Variants in CERS5 observed in about 807,000 individuals in gnomAD.
CERS5 encodes the protein LAG1 homolog, ceramide synthase 5.
A neutral mutation model predicts 58.9 loss-of-function variants in CERS5; 37 were observed. That is an observed-to-expected ratio of 0.63 (90% CI 0.48 to 0.83). The LOEUF (loss-of-function observed/expected upper bound fraction) is 0.83, where lower values mean the gene tolerates loss of function less well. CERS5 is among the 40% of genes least tolerant of loss of function. The probability of loss-of-function intolerance (pLI) is 0.00; values close to 1 mark genes in which losing one functional copy is unlikely to be tolerated. For synonymous variants in CERS5, 147 were observed against 177.8 expected, an observed-to-expected ratio of 0.83 and a Z score of 1.38; for missense variants, 398 against 489.3, an observed-to-expected ratio of 0.81 and a Z score of 1.76.
At chr12:50,143,603 C>A (rs973665666) in intron 2 of CERS5, 8 of 255,636 alleles carry the variant, frequency 3.1e-5, no homozygotes, top group African/African-American at 6.7e-5. Context: ...AAAACCCAAA[C>A]TGCAAAGGCT....
intron 1 of CERS5, chr12:50,165,961 T>A (rs1468946356): frequency 2.2e-6 from 1 of 454,456 alleles, no homozygotes; most frequent in Non-Finnish European, 4.4e-6. Context: ...AAACATATGA[T>A]CCATTCACTT....
At chr12:50,148,512 T>A in intron 1 of CERS5, 1 of 323,724 alleles carries the variant, frequency 3.1e-6, no homozygotes, top group South Asian at 2.2e-5. Flanking sequence ...TGAGAGGATC[T>A]CTTGAACTCG....
At chr12:50,134,415 T>C in intron 9 of CERS5, 131 bp downstream of exon 9, 1 of 1,602,078 alleles carries the variant, frequency 6.2e-7, no homozygotes. Flanking sequence ...AGGCGAAGAC[T>C]TTGGAGCCCT....
In CERS5 at chr12:50,130,670, C is replaced by G; in HGVS notation, c.1054G>C (p.Val352Leu). Residue 352 changes from valine (V) to leucine (L), a missense_variant, in exon 10 of 10, where the codon GTG becomes CTG. Around this residue, in one of 3 missense-constraint regions of CERS5, gnomAD observed 23 missense variants for 54.6 expected, o/e 0.42. Transcript: ENST00000317551. Reference protein sequence around the residue: ...GKVSKDDRSDVESSSEEEDVT... With the variant: ...GKVSKDDRSDLESSSEEEDVT... ...TCTTCTTCCTCTGAGCTGCTCTCCACATCACTGCGATCATCCTTCGATACC... is the reference window on the plus strand; with the variant it reads ...TCTTCTTCCTCTGAGCTGCTCTCCAGATCACTGCGATCATCCTTCGATACC... 1 of 1,603,258 alleles carries G rather than the reference C, an allele frequency of 6.2e-7. No individual in the cohort carries two copies. The highest frequency in any genetic ancestry group is 8.5e-7 in the Non-Finnish European group (1 of 1,171,404).
chr12:50,135,789 A>T lies in CERS5; in HGVS notation c.815T>A (p.Leu272His). Residue 272 changes from leucine to histidine, a missense_variant, in exon 8 of 10, where the codon CTT becomes CAT. Coordinates refer to ENST00000317551, the MANE Select transcript of CERS5 (RefSeq NM_147190.5). ...YAKYQRLCDT[L>H]FVIFSAVFMV... Reference sequence around the variant, plus strand: ...AAAAACAGCACTGAAGATCACAAAAAGGGTGTCACAGAGCCGCTGATACTT... The same window carrying T: ...AAAAACAGCACTGAAGATCACAAAATGGGTGTCACAGAGCCGCTGATACTT... 6.2e-7 allele frequency: 1 copy of T among 1,614,136 alleles called. No homozygotes were observed. Among genetic ancestry groups the T allele is most frequent in the Non-Finnish European group, 8.5e-7 (1 of 1,180,008 alleles).
chr12:50,166,323 CAAAA>C (rs59606341), intron 1 of CERS5: 36,977 of 127,064 alleles, frequency 0.29, 5,363 homozygotes, highest in Middle Eastern at 0.42. Context: ...AACTCTGTCT[CAAAA>C]AAAAAAAAAA....
In CERS5 at chr12:50,167,081, G is replaced by A. The variant is rs749308979; in HGVS notation, c.197+20C>T. 5 of 1,500,814 alleles carry A rather than the reference G, an allele frequency of 3.3e-6. No homozygotes were observed. The highest frequency in any genetic ancestry group is 2.6e-5 in the East Asian group (1 of 38,098). The allele number at this position is 1,500,814 out of a possible 1,614,324, so 93.0% of individuals were successfully genotyped here. A position where few individuals can be genotyped will look rare whatever the true frequency, so the allele number is the denominator to read the frequency against. ...CCGGCCCGCGCCCGGCCCCCGAGCC[G>A]CTCGCTCCCGGGCTCTCACCGCTCG... is the stretch of plus-strand genomic sequence containing the variant. On this transcript the variant is annotated intron_variant, in intron 1 of 9. Transcript: ENST00000317551.
chr12:50,160,493 AAG>A (rs1939165749), intron 1 of CERS5, among the ~76,000 whole-genome samples: 1 of 152,038 alleles, frequency 6.6e-6, no homozygotes, highest in African/African-American at 2.4e-5. Flanking sequence ...TTGAAGTAAT[AAG>A]AGAGAAGAGG....
chr12:50,129,760 T>C lies in CERS5; in HGVS notation c.*785A>G, dbSNP rs1013446783. 2 of 152,194 alleles carry C rather than the reference T, an allele frequency of 1.3e-5. No homozygotes were observed. The highest frequency in any genetic ancestry group is 4.8e-5 in the African/African-American group (2 of 41,418). 9.4% of individuals were successfully genotyped at this position (152,194 alleles called of 1,614,324 possible). ...TAATTAGCTTATGGATTCAGGAAAC[T>C]GCGGATAGAGTCACTGAAGAGGTTG... On this transcript the variant is annotated 3_prime_UTR_variant, in exon 10 of 10. Coordinates refer to ENST00000317551, the MANE Select transcript of CERS5 (RefSeq NM_147190.5).
At chr12:50,154,292 G>C in intron 1 of CERS5, 1 of 327,040 alleles carries the variant, frequency 3.1e-6, no homozygotes, top group Non-Finnish European at 6.3e-6. Context: ...GTCGAAGGTT[G>C]CAGTGAGATC....
chr12:50,141,664 C>T (rs1951975085), intron 4 of CERS5, among the ~76,000 whole-genome samples: 1 of 151,936 alleles, frequency 6.6e-6, no homozygotes, highest in African/African-American at 2.4e-5. Context: ...TTAGGCCAGG[C>T]TCAGTGGCTC....
chr12:50,163,345 C>G (rs575388095), intron 1 of CERS5, among the ~76,000 whole-genome samples: 1 of 151,604 alleles, frequency 6.6e-6, no homozygotes, highest in African/African-American at 2.4e-5. Context: ...ATTACAGGCG[C>G]CCGCCACTAC....
In CERS5 at chr12:50,134,696, C is replaced by T; in HGVS notation, c.879G>A (p.Leu293=). 1.2e-6 allele frequency: 2 copies of T among 1,612,992 alleles called. No individual in the cohort carries two copies. The highest frequency in any genetic ancestry group is 1.7e-6 in the Non-Finnish European group (2 of 1,179,444). ...CCCAACTCTCAAAGAGGGTCGTGTT[C>T]AGAATCCTAGAAGAGGGAGGCCAAT... The part of the protein sequence containing the change: ...TRLGIYPFWI[L]NTTLFESWEI... Residue 293 remains leucine (L), a synonymous_variant, in exon 9 of 10, where the codon CTG becomes CTA. Coordinates refer to ENST00000317551, the MANE Select transcript of CERS5 (RefSeq NM_147190.5).
intron 1 of CERS5, among the ~76,000 whole-genome samples, chr12:50,152,517 G>A (rs1484565467): frequency 6.6e-6 from 1 of 152,282 alleles, no homozygotes; most frequent in East Asian, 1.9e-4. Flanking sequence ...TGAGGCAAGC[G>A]GATCACTTGA....
chr12:50,160,706 C>T (rs1165790419), intron 1 of CERS5, among the ~76,000 whole-genome samples: 1 of 152,190 alleles, frequency 6.6e-6, no homozygotes, highest in Non-Finnish European at 1.5e-5. Context: ...GGACAAAATA[C>T]TAAGTTTCAA....
chr12:50,143,099 T>C lies in CERS5; in HGVS notation c.409A>G (p.Thr137Ala), dbSNP rs773326225. 20 of 1,612,740 alleles carry C rather than the reference T, an allele frequency of 1.2e-5. No homozygotes were observed. Among genetic ancestry groups the C allele is most frequent in the South Asian group, 8.8e-5 (8 of 90,936 alleles). ...ATGCTTTCACAGAATTTAGTAAGCG[T>C]TGGGGGCTTGTCCTGATTCCTCCGA... ...RHRRNQDKPP[T>A]LTKFCESMWR... The change falls in exon 3 of 10, where the codon ACG becomes GCG. Residue 137 changes from threonine (T) to alanine (A), a missense_variant. Physicochemically the swap from Thr to Ala is moderately conservative, Grantham distance 58 (BLOSUM62 0). Transcript: ENST00000317551.
chr12:50,136,167 A>C, intron 6 of CERS5, 98 bp from the exon 7 acceptor site: 1 of 1,128,852 alleles, frequency 8.9e-7, no homozygotes, highest in Non-Finnish European at 1.2e-6. Context: ...ATCTTACCCC[A>C]CCCCATATAG....
intron 2 of CERS5, 132 bp from the exon 3 acceptor site, chr12:50,143,336 CAA>C (rs1952082020): frequency 9.2e-7 from 1 of 1,087,046 alleles, no homozygotes; most frequent in Non-Finnish European, 1.3e-6. Flanking sequence ...AGTTTTATCC[CAA>C]AGTCATTTTT....
At position 50,167,165 on chromosome 12, in the gene CERS5, G is replaced by C. The variant is rs907607622; in HGVS notation, c.133C>G (p.Arg45Gly). ...AGCGGGAACACCGAGAGGATGTGCC[G>C]GCCGCGGGGGTAACCGTAGCCGTCG... ...PADGYGYPRG[R>G]HILSVFPLAA... Residue 45 changes from arginine (R) to glycine (G), a missense_variant, in exon 1 of 10, where the codon CGG becomes GGG. Around this residue, in one of 3 missense-constraint regions of CERS5, gnomAD observed 328 missense variants for 384.5 expected, o/e 0.85. Transcript: ENST00000317551. 13 of 1,598,892 alleles carry C rather than the reference G, an allele frequency of 8.1e-6. No homozygotes were observed. Among genetic ancestry groups the C allele is most frequent in the Non-Finnish European group, 9.4e-6 (11 of 1,175,386 alleles).
Sources: allele counts gnomAD v4.1 joint callset (sites outside exome capture counted in the v4.1 genomes callset), GRCh38; gene constraint gnomAD v4.1.1; regional missense constraint gnomAD v4.1.1; transcripts MANE v1.5; gene names NCBI Gene and HGNC (gene_info 2026-07-23, HGNC 2026-07-21).